Variants in LZTFL1 observed in about 807,000 individuals in gnomAD.
The protein encoded by LZTFL1 is leucine zipper transcription factor-like protein 1.
In LZTFL1, 25 loss-of-function variants were observed where a neutral mutation model predicts 45.9. The observed-to-expected ratio is 0.54, with a 90% CI of 0.40 to 0.76. The LOEUF is 0.76. Among genes scored for constraint, LZTFL1 ranks in the 30% least tolerant of loss-of-function variants. LZTFL1 has a pLI of 0.00. For synonymous variants in LZTFL1, 93 were observed against 117.4 expected (o/e 0.79, Z 1.35); for missense variants, 277 against 331.1 (o/e 0.84, Z 1.27).
intron 2 of LZTFL1, among the ~76,000 whole-genome samples, chr3:45,906,173 T>C (rs568830791): frequency 4.7e-4 from 71 of 152,182 alleles, no homozygotes; most frequent in Non-Finnish European, 8.8e-4. Flanking sequence ...AGATCCATAG[T>C]GTGGTTGGGC....
intron 1 of LZTFL1, among the ~76,000 whole-genome samples, chr3:45,914,955 G>A (rs1017731885): frequency 1.3e-5 from 2 of 152,158 alleles, no homozygotes; most frequent in African/African-American, 4.8e-5. Context: ...CACAAGCGTC[G>A]TGGGAGGACT....
chr3:45,835,634 C>T lies in LZTFL1; in HGVS notation c.279G>A (p.Lys93=). Residue 93 remains lysine, a synonymous_variant, in exon 3 of 10, where the codon AAG becomes AAA. Coordinates refer to ENST00000296135, the MANE Select transcript of LZTFL1 (RefSeq NM_020347.4). ...LLRQLFAQAE[K]WYLKLQTDIS... is the part of the protein sequence containing the mutation. The stretch of plus-strand genomic sequence containing the variant: ...TGTCTGTCTGTAGCTTAAGATACCA[C>T]TTCTCAGCTTGTGCAAACAGCTGTC... 2 of 1,614,190 alleles carry T rather than the reference C, an allele frequency of 1.2e-6. No individual in the cohort carries two copies. Among genetic ancestry groups the T allele is most frequent in the Non-Finnish European group, 1.7e-6 (2 of 1,180,018 alleles).
chr3:45,907,714 C>T (rs1219683364), intron 2 of LZTFL1, among the ~76,000 whole-genome samples: 2 of 152,150 alleles, frequency 1.3e-5, no homozygotes, highest in Non-Finnish European at 2.9e-5. Flanking sequence ...ACTGCTTGTC[C>T]CTTTCCTTCA....
intron 2 of LZTFL1, among the ~76,000 whole-genome samples, chr3:45,888,043 C>T (rs984230824): frequency 3.3e-5 from 5 of 152,188 alleles, no homozygotes; most frequent in African/African-American, 1.2e-4. Context: ...ACAATAACCC[C>T]ATGCTGATTT....
intron 2 of LZTFL1, among the ~76,000 whole-genome samples, chr3:45,897,061 T>C (rs1702378575): frequency 6.6e-6 from 1 of 152,166 alleles, no homozygotes; most frequent in Admixed American, 6.5e-5. Flanking sequence ...AGGACGTGCC[T>C]GTGTGGGAGC....
intron 1 of LZTFL1, among the ~76,000 whole-genome samples, chr3:45,841,100 G>A (rs1463961804): frequency 6.6e-6 from 1 of 152,168 alleles, no homozygotes; most frequent in Non-Finnish European, 1.5e-5. Flanking sequence ...TGATATTTTA[G>A]GGAAATCAAG....
chr3:45,875,524 T>C (rs1701736655), intron 2 of LZTFL1, among the ~76,000 whole-genome samples: 1 of 152,112 alleles, frequency 6.6e-6, no homozygotes, highest in Admixed American at 6.5e-5. Flanking sequence ...AAAGCATGAA[T>C]ACAAAAATAA....
chr3:45,848,317 G>A (rs892013357), intron 4 of LZTFL1, among the ~76,000 whole-genome samples: 6 of 152,226 alleles, frequency 3.9e-5, no homozygotes, highest in African/African-American at 1.4e-4. Flanking sequence ...AGCTGCAGCT[G>A]CAGACCTAAA....
At chr3:45,896,209 G>A (rs1702350870) in intron 2 of LZTFL1, among the ~76,000 whole-genome samples, 1 of 152,252 alleles carries the variant, frequency 6.6e-6, no homozygotes, top group African/African-American at 2.4e-5. Context: ...AACAGAAGTA[G>A]ATGAAGGCAG....
chr3:45,842,863 G>C (rs1409841648), upstream of LZTFL1, among the ~76,000 whole-genome samples: 1 of 152,156 alleles, frequency 6.6e-6, no homozygotes, highest in Non-Finnish European at 1.5e-5. Flanking sequence ...TCACAGATCA[G>C]GACCACTCTT....
At chr3:45,859,393 TTTG>T (rs1174009050) in intron 2 of LZTFL1, among the ~76,000 whole-genome samples, 2 of 152,176 alleles carry the variant, frequency 1.3e-5, no homozygotes, top group African/African-American at 4.8e-5. Flanking sequence ...GCCTGACTAT[TTTG>T]TTGTTGTTGT....
intron 2 of LZTFL1, among the ~76,000 whole-genome samples, chr3:45,837,107 T>A (rs1410764641): frequency 6.6e-6 from 1 of 152,240 alleles, no homozygotes; most frequent in Non-Finnish European, 1.5e-5. Context: ...GTTAATAGTA[T>A]TTGTTTTATA....
At chr3:45,895,622 G>A (rs868331243) in intron 2 of LZTFL1, among the ~76,000 whole-genome samples, 23 of 151,992 alleles carry the variant, frequency 1.5e-4, no homozygotes, top group Middle Eastern at 3.2e-3. Flanking sequence ...GCTGAGGCAC[G>A]AGAGTCGCTT....
intron 2 of LZTFL1, among the ~76,000 whole-genome samples, chr3:45,864,033 A>C (rs551206260): frequency 6.6e-6 from 1 of 152,374 alleles, no homozygotes; most frequent in South Asian, 2.1e-4. Context: ...AATGTCATGC[A>C]TGATATCTCT....
At chr3:45,837,259 CT>C (rs1346960240) in intron 2 of LZTFL1, among the ~76,000 whole-genome samples, 2 of 152,108 alleles carry the variant, frequency 1.3e-5, no homozygotes, top group African/African-American at 4.8e-5. Context: ...TAAATTGTTG[CT>C]TTCATCTGCT....
At chr3:45,914,445 A>AT (rs910572878) in intron 1 of LZTFL1, among the ~76,000 whole-genome samples, 6 of 151,608 alleles carry the variant, frequency 4.0e-5, no homozygotes, top group African/African-American at 1.5e-4. Context: ...TAATATTTGA[A>AT]TTTTTTTTGG....
chr3:45,861,501 T>A (rs1701490865), intron 2 of LZTFL1, among the ~76,000 whole-genome samples: 2 of 151,978 alleles, frequency 1.3e-5, no homozygotes, highest in Admixed American at 1.3e-4. Context: ...TAATGTGTGC[T>A]GAGGAGGGGT....
At chr3:45,906,823 G>T (rs1702689455) in intron 2 of LZTFL1, among the ~76,000 whole-genome samples, 1 of 152,242 alleles carries the variant, frequency 6.6e-6, no homozygotes, top group Non-Finnish European at 1.5e-5. Flanking sequence ...CTAGGCATGT[G>T]TCTGAACCTT....
At chr3:45,910,876 TTTAGC>T (rs1435646946) in intron 2 of LZTFL1, among the ~76,000 whole-genome samples, 1 of 152,136 alleles carries the variant, frequency 6.6e-6, no homozygotes, top group Admixed American at 6.5e-5. Flanking sequence ...GCAGGGCATA[TTTAGC>T]TTGGGGTCTC....
Sources: allele counts gnomAD v4.1 joint callset (sites outside exome capture counted in the v4.1 genomes callset), GRCh38; gene constraint gnomAD v4.1.1; transcripts MANE v1.5; gene names NCBI Gene and HGNC (gene_info 2026-07-23, HGNC 2026-07-21).